The following CLPB variants were observed in gnomAD, a reference collection of about 807,000 sequenced individuals.
CLPB encodes ClpB family mitochondrial disaggregase.
CLPB carries 40 observed loss-of-function variants against 78.4 expected under a neutral mutation model. The observed-to-expected ratio is 0.51, with a 90% CI of 0.40 to 0.66. The LOEUF (loss-of-function observed/expected upper bound fraction) is 0.66, where lower values mean the gene tolerates loss of function less well. Among genes scored for constraint, CLPB ranks in the 30% least tolerant of loss-of-function variants. The probability of loss-of-function intolerance (pLI) is 0.00; values close to 1 mark genes in which losing one functional copy is unlikely to be tolerated. For synonymous variants in CLPB, 333 were observed against 348.0 expected (o/e 0.96, Z 0.48); for missense variants, 780 against 886.9 (o/e 0.88, Z 1.53).
chr11:72,307,393 C>T lies in CLPB; in HGVS notation c.1067-139G>A, dbSNP rs1590771739. On this transcript the variant is annotated intron_variant, in intron 8 of 15. Coordinates refer to ENST00000538039, the MANE Select transcript of CLPB (RefSeq NM_001258392.3). Reference sequence around the variant, plus strand: ...GTTGAGGCGCAGAAAGGATCAGCGACTCTCCCACAGTCACCTAGGGAGTTA... The same window carrying T: ...GTTGAGGCGCAGAAAGGATCAGCGATTCTCCCACAGTCACCTAGGGAGTTA... 8 of 729,268 alleles carry T rather than the reference C, an allele frequency of 1.1e-5. No individual in the cohort carries two copies. The South Asian group carries it at 1.2e-4, about 11-fold the overall frequency. The allele number at this position is 729,268 out of a possible 1,614,324, so 45.2% of individuals were successfully genotyped here. A position where few individuals can be genotyped will look rare whatever the true frequency, so the allele number is the denominator to read the frequency against.
rs139317039 is a variant in CLPB at position 72,342,784 on chromosome 11, G to A, written c.776-12980C>T. ...TAGCAGTCATAATTACACTGTTAAC[G>A]TCTGGGGCACAGCCACAGTCTCCGT... On this transcript the variant is annotated intron_variant, in intron 5 of 15. Transcript: ENST00000538039. Among the ~76,000 whole-genome samples the A allele has an allele frequency of 2.2e-3, 339 of 152,302 alleles. 3 individuals carry two copies. The highest frequency in any genetic ancestry group is 1.8e-3 in the Non-Finnish European group (122 of 68,026).
rs761938268 is a variant in CLPB at position 72,293,558 on chromosome 11, C to T, written c.1843G>A (p.Gly615Arg). The change falls in exon 16 of 16, where the codon GGG becomes AGG. Residue 615 changes from glycine (G) to arginine (R), a missense_variant. Physicochemically the swap from Gly to Arg is moderately radical, Grantham distance 125 (BLOSUM62 -2). Transcript: ENST00000538039. ...ACCGTGATGCGCAAAGTACAGCCCC[C>T]TGGCAGCAGGTCCTGCTCATAGGCT... is the stretch of plus-strand genomic sequence containing the variant. Reference protein sequence around the residue: ...AAAYEQDLLPGGCTLRITVED... With the variant: ...AAAYEQDLLPRGCTLRITVED... 10 of 1,614,002 alleles carry T rather than the reference C, an allele frequency of 6.2e-6. No individual in the cohort carries two copies. Among genetic ancestry groups the T allele is most frequent in the Non-Finnish European group, 7.6e-6 (9 of 1,179,990 alleles).
At chr11:72,402,943 C>CTGTG (rs1244315160) in intron 3 of CLPB, 23 bp downstream of exon 3, 40 of 1,605,548 alleles carry the variant, frequency 2.5e-5, no homozygotes, top group Non-Finnish European at 3.3e-5. Context: ...TAAAGGAGCC[C>CTGTG]TGTGTGGAAG....
chr11:72,414,518 A>G (rs541420632), intron 2 of CLPB, among the ~76,000 whole-genome samples: 23 of 152,324 alleles, frequency 1.5e-4, no homozygotes, highest in Admixed American at 2.0e-4. Flanking sequence ...AAGAAGAGAC[A>G]ATGAAAAGCC....
At chr11:72,402,412 T>A (rs1426334280) in intron 3 of CLPB, among the ~76,000 whole-genome samples, 1 of 152,234 alleles carries the variant, frequency 6.6e-6, no homozygotes, top group Non-Finnish European at 1.5e-5. Flanking sequence ...TGTGGAGTGA[T>A]TGTGAGAATT....
intron 4 of CLPB, among the ~76,000 whole-genome samples, chr11:72,371,598 G>A (rs1236066520): frequency 4.0e-5 from 6 of 149,338 alleles, no homozygotes; most frequent in Non-Finnish European, 7.5e-5. Flanking sequence ...TAAAAGTTGT[G>A]TAGAGATGGG....
chr11:72,418,484 C>G (rs1856090708), intron 2 of CLPB, among the ~76,000 whole-genome samples: 1 of 152,174 alleles, frequency 6.6e-6, no homozygotes, highest in African/African-American at 2.4e-5. Context: ...ACAGAACTAA[C>G]CAATGGTCAC....
intron 4 of CLPB, among the ~76,000 whole-genome samples, chr11:72,364,342 G>A (rs1369688720): frequency 3.3e-5 from 5 of 151,642 alleles, no homozygotes; most frequent in African/African-American, 7.3e-5. Flanking sequence ...CGAGTAGCTG[G>A]GATTACATGC....
chr11:72,313,419 G>C (rs140769453), intron 7 of CLPB, among the ~76,000 whole-genome samples: 2 of 152,322 alleles, frequency 1.3e-5, no homozygotes, highest in African/African-American at 4.8e-5. Context: ...ACTTAAAAAT[G>C]CAAGTAGTAG....
At chr11:72,413,500 C>G (rs1261384483) in intron 2 of CLPB, among the ~76,000 whole-genome samples, 1 of 152,042 alleles carries the variant, frequency 6.6e-6, no homozygotes, top group Non-Finnish European at 1.5e-5. Context: ...GTACCTAGTA[C>G]CAGAGCATTC....
chr11:72,413,490 G>A (rs1322884710), intron 2 of CLPB, among the ~76,000 whole-genome samples: 1 of 151,748 alleles, frequency 6.6e-6, no homozygotes, highest in Admixed American at 6.6e-5. Context: ...CATGCATCTC[G>A]TACCTAGTAC....
At chr11:72,320,990 G>C (rs1950033521) in intron 6 of CLPB, among the ~76,000 whole-genome samples, 1 of 152,180 alleles carries the variant, frequency 6.6e-6, no homozygotes, top group South Asian at 2.1e-4. Flanking sequence ...TGGGATTACA[G>C]GCGTGAGCCA....
intron 5 of CLPB, among the ~76,000 whole-genome samples, chr11:72,333,642 CAGG>C (rs1409674110): frequency 1.3e-5 from 2 of 152,154 alleles, no homozygotes; most frequent in Non-Finnish European, 2.9e-5. Flanking sequence ...CTCATGGAGA[CAGG>C]AGGTCACAGA....
chr11:72,298,243 C>T (rs1464320708), intron 11 of CLPB, among the ~76,000 whole-genome samples: 5 of 152,108 alleles, frequency 3.3e-5, no homozygotes, highest in Non-Finnish European at 7.4e-5. Context: ...TGGGCCCAGG[C>T]TTGGGAGAAC....
In CLPB at chr11:72,293,425, G is replaced by C; in HGVS notation, c.1976C>G (p.Thr659Ser). ...TGGTGCCCGGATGTCCAGTCTGCGA[G>C]TCTTGCTGTCCTTGTCGATGATCTC... is the stretch of plus-strand genomic sequence containing the variant. ...RLEIIDKDSK[T>S]RRLDIRAPLH... The change falls in exon 16 of 16, where the codon ACT becomes AGT. Residue 659 changes from threonine to serine, a missense_variant. Thr to Ser is a moderately conservative substitution (Grantham distance 58). Around this residue, in one of 3 missense-constraint regions of CLPB, gnomAD observed 272 missense variants for 304.0 expected, o/e 0.89. Coordinates refer to ENST00000538039, the MANE Select transcript of CLPB (RefSeq NM_001258392.3). 1 of 1,614,190 alleles carries C rather than the reference G, an allele frequency of 6.2e-7. No individual in the cohort carries two copies. Among genetic ancestry groups the C allele is most frequent in the African/African-American group, 1.3e-5 (1 of 75,054 alleles).
At chr11:72,433,342 G>A (rs1187417850) in intron 1 of CLPB, among the ~76,000 whole-genome samples, 1 of 152,066 alleles carries the variant, frequency 6.6e-6, no homozygotes, top group Non-Finnish European at 1.5e-5. Context: ...GGTGGATCAG[G>A]AGGTCAAGAG....
At chr11:72,309,607 G>A (rs968680176) in intron 7 of CLPB, among the ~76,000 whole-genome samples, 5 of 152,134 alleles carry the variant, frequency 3.3e-5, no homozygotes, top group African/African-American at 1.2e-4. Flanking sequence ...ATAGAGACTT[G>A]CCCAAGTCAC....
chr11:72,306,917 G>T (rs1289200821), intron 9 of CLPB, among the ~76,000 whole-genome samples: 1 of 152,170 alleles, frequency 6.6e-6, no homozygotes, highest in East Asian at 1.9e-4. Flanking sequence ...TGAAAATGTT[G>T]TATGGTAGAT....
At chr11:72,404,126 C>T (rs1171411233) in intron 2 of CLPB, among the ~76,000 whole-genome samples, 2 of 152,204 alleles carry the variant, frequency 1.3e-5, no homozygotes, top group Non-Finnish European at 2.9e-5. Flanking sequence ...TTCCTCCAGA[C>T]AGAACCTGGC....
Sources: gnomAD v4.1 joint callset for allele counts (sites outside exome capture counted in the v4.1 genomes callset) on GRCh38, gnomAD v4.1.1 for gene constraint, gnomAD v4.1.1 regional missense constraint, MANE v1.5 for transcripts, NCBI Gene and HGNC (gene_info 2026-07-23, HGNC 2026-07-21) for gene names.